Variants in XRCC4 observed in about 807,000 individuals in gnomAD.
The protein encoded by XRCC4 is X-ray repair cross complementing 4.
In XRCC4, 28 loss-of-function variants were observed where a neutral mutation model predicts 39.1. The ratio of observed to expected loss-of-function variants is 0.72; its 90% confidence interval spans 0.53 to 0.98. The LOEUF (loss-of-function observed/expected upper bound fraction) is 0.98, where lower values mean the gene tolerates loss of function less well. Ranked by LOEUF, XRCC4 falls within the 50% of genes least tolerant of loss-of-function variation. XRCC4 has a pLI of 0.00. For missense variants in XRCC4, 350 were observed against 376.4 expected (o/e 0.93, Z 0.58); for synonymous variants, 123 against 126.4 (o/e 0.97, Z 0.18).
At chr5:83,343,720 A>G (rs1756831309) in intron 7 of XRCC4, among the ~76,000 whole-genome samples, 1 of 151,902 alleles carries the variant, frequency 6.6e-6, no homozygotes, top group Non-Finnish European at 1.5e-5. Context: ...ATTCTCCACT[A>G]TTTCTTGCTA....
At chr5:83,089,371 C>T (rs1324564751) in intron 1 of XRCC4, among the ~76,000 whole-genome samples, 2 of 152,248 alleles carry the variant, frequency 1.3e-5, no homozygotes, top group Non-Finnish European at 2.9e-5. Flanking sequence ...ATCTGCTAAG[C>T]ATGATTATCC....
chr5:83,178,165 TG>T (rs1400568438), intron 3 of XRCC4, among the ~76,000 whole-genome samples: 4 of 152,098 alleles, frequency 2.6e-5, no homozygotes, highest in Non-Finnish European at 4.4e-5. Context: ...TTTCGGTTAC[TG>T]GGGGTAAAGC....
chr5:83,167,095 T>C (rs1187666783), intron 3 of XRCC4, among the ~76,000 whole-genome samples: 1 of 152,150 alleles, frequency 6.6e-6, no homozygotes, highest in East Asian at 1.9e-4. Context: ...TTTGCCAGGC[T>C]GGTCTCAAAC....
intron 7 of XRCC4, among the ~76,000 whole-genome samples, chr5:83,272,448 G>A (rs1294194940): frequency 6.6e-6 from 1 of 151,986 alleles, no homozygotes; most frequent in Non-Finnish European, 1.5e-5. Context: ...GGGTACATGT[G>A]CGGAACATGC....
chr5:83,144,058 G>GCCTTCC (rs1748313378), intron 3 of XRCC4, among the ~76,000 whole-genome samples: 1 of 151,662 alleles, frequency 6.6e-6, no homozygotes, highest in Non-Finnish European at 1.5e-5. Context: ...ATTCCCCTCT[G>GCCTTCC]CCTTCCCCCC....
At chr5:83,280,359 C>T (rs1429835115) in intron 7 of XRCC4, 3 of 489,590 alleles carry the variant, frequency 6.1e-6, no homozygotes, top group Non-Finnish European at 7.6e-6. Context: ...CATGCATTTC[C>T]TTCATGTTTC....
chr5:83,250,230 A>G (rs1257671809), intron 6 of XRCC4, among the ~76,000 whole-genome samples: 1 of 152,190 alleles, frequency 6.6e-6, no homozygotes, highest in Non-Finnish European at 1.5e-5. Context: ...GTTATTTTTA[A>G]CTGCAAAATG....
chr5:83,275,966 C>T (rs923487980), intron 7 of XRCC4, among the ~76,000 whole-genome samples: 8 of 152,236 alleles, frequency 5.3e-5, no homozygotes, highest in African/African-American at 1.9e-4. Context: ...CAGGTGATTC[C>T]ACCCTGGGCT....
chr5:83,192,319 A>ATATATATT (rs3069585), intron 3 of XRCC4, among the ~76,000 whole-genome samples: 7,270 of 143,408 alleles, frequency 0.051, 384 homozygotes, highest in African/African-American at 0.13. Flanking sequence ...ATATATATAT[A>ATATATATT]TTTTTTTGAG....
intron 7 of XRCC4, among the ~76,000 whole-genome samples, chr5:83,347,200 C>T (rs113907061): frequency 2.0e-5 from 3 of 151,584 alleles, no homozygotes; most frequent in African/African-American, 4.9e-5. Context: ...TATCAAGCTG[C>T]AAAACTATAA....
intron 7 of XRCC4, among the ~76,000 whole-genome samples, chr5:83,274,160 A>C (rs1342008838): frequency 6.6e-6 from 1 of 152,190 alleles, no homozygotes; most frequent in Non-Finnish European, 1.5e-5. Flanking sequence ...ACTCTTGCTC[A>C]TGTTCATTCT....
chr5:83,176,970 T>C (rs545924557), intron 3 of XRCC4, among the ~76,000 whole-genome samples: 1 of 152,288 alleles, frequency 6.6e-6, no homozygotes, highest in African/African-American at 2.4e-5. Flanking sequence ...ATAATCTATT[T>C]TTAGATAAAA....
At chr5:83,208,505 G>T (rs1751505299) in intron 6 of XRCC4, among the ~76,000 whole-genome samples, 3 of 151,864 alleles carry the variant, frequency 2.0e-5, no homozygotes, top group African/African-American at 7.2e-5. Context: ...ACAATTTGAA[G>T]GAAATTGTTA....
intron 7 of XRCC4, among the ~76,000 whole-genome samples, chr5:83,293,370 CATAT>C (rs1012886845): frequency 5.9e-5 from 9 of 152,038 alleles, no homozygotes; most frequent in African/African-American, 2.2e-4. Flanking sequence ...AAGTTACTCA[CATAT>C]ATCTGTCATC....
At chr5:83,264,848 T>G (rs540948885) in intron 7 of XRCC4, among the ~76,000 whole-genome samples, 15 of 152,312 alleles carry the variant, frequency 9.8e-5, no homozygotes, top group African/African-American at 2.4e-4. Context: ...ACTTTATATA[T>G]AGAGAGAGTT....
chr5:83,145,293 T>C (rs1328358481), intron 3 of XRCC4, among the ~76,000 whole-genome samples: 1 of 152,220 alleles, frequency 6.6e-6, no homozygotes, highest in Non-Finnish European at 1.5e-5. Flanking sequence ...CAGTTTCCAT[T>C]GACTGTGGCT....
chr5:83,107,843 G>A (rs1746271348), intron 2 of XRCC4, among the ~76,000 whole-genome samples: 1 of 151,836 alleles, frequency 6.6e-6, no homozygotes, highest in African/African-American at 2.4e-5. Flanking sequence ...GTGGAAAGAG[G>A]ATTTTAATAA....
intron 6 of XRCC4, among the ~76,000 whole-genome samples, chr5:83,225,192 C>T (rs1752240181): frequency 6.6e-6 from 1 of 152,016 alleles, no homozygotes; most frequent in South Asian, 2.1e-4. Context: ...TTTTGGTGAG[C>T]CCCTGAAGCT....
chr5:83,357,285 G>T (rs79944597), downstream of XRCC4, among the ~76,000 whole-genome samples: 2 of 152,178 alleles, frequency 1.3e-5, no homozygotes, highest in Non-Finnish European at 2.9e-5. Context: ...GAAATGAAAA[G>T]AATGGAGTAT....
Sources: gnomAD v4.1 joint callset for allele counts (sites outside exome capture counted in the v4.1 genomes callset) on GRCh38, gnomAD v4.1.1 for gene constraint, MANE v1.5 for transcripts, NCBI Gene and HGNC (gene_info 2026-07-23, HGNC 2026-07-21) for gene names.